TEAD1: variants seen among roughly 807,000 people sequenced by gnomAD.
TEAD1 encodes the protein transcriptional enhancer factor TEF-1.
In TEAD1, 9 loss-of-function variants were observed where a neutral mutation model predicts 54.9. The ratio of observed to expected loss-of-function variants is 0.16; its 90% CI spans 0.10 to 0.29. The LOEUF (loss-of-function observed/expected upper bound fraction) is 0.29, where lower values mean the gene tolerates loss of function less well. TEAD1 is among the 10% of genes least tolerant of loss of function. TEAD1 has a pLI of 1.00. For synonymous variants in TEAD1, 200 were observed against 187.8 expected, an observed-to-expected ratio of 1.07 and a Z score of -0.53; for missense variants, 387 against 535.9, an observed-to-expected ratio of 0.72 and a Z score of 2.74.
intron 3 of TEAD1, among the ~76,000 whole-genome samples, chr11:12,861,122 G>C (rs1217678241): frequency 6.6e-6 from 1 of 152,234 alleles, no homozygotes; most frequent in African/African-American, 2.4e-5. Context: ...AATAATTTCA[G>C]TTCCTGGTAT....
chr11:12,845,064 C>G (rs1947116119), intron 3 of TEAD1, among the ~76,000 whole-genome samples: 1 of 137,408 alleles, frequency 7.3e-6, no homozygotes, highest in African/African-American at 2.7e-5. Flanking sequence ...CTCCTGGATT[C>G]AAGCAATTCT....
chr11:12,745,612 T>A, intron 2 of TEAD1, among the ~76,000 whole-genome samples: 1 of 151,084 alleles, frequency 6.6e-6, no homozygotes, highest in South Asian at 2.1e-4. Flanking sequence ...TTTGGACTGT[T>A]TGCAGTGGAG....
chr11:12,696,290 A>C (rs985370466), intron 2 of TEAD1, among the ~76,000 whole-genome samples: 3 of 152,172 alleles, frequency 2.0e-5, no homozygotes, highest in Non-Finnish European at 4.4e-5. Context: ...TCTTGGATCA[A>C]AGTGGGGCTA....
At position 12,878,785 on chromosome 11, in the gene TEAD1, A is replaced by G. The variant is rs527988121; in HGVS notation, c.331-923A>G. ...ATTATATGTTTGTGTACATATATAC[A>G]TATGTATATATACACATATATATAT... On this transcript the variant is annotated intron_variant, in intron 5 of 12. Transcript: ENST00000527636. 900 of 632,680 alleles carry G rather than the reference A, an allele frequency of 1.4e-3. 2 individuals are homozygous for G. Among genetic ancestry groups the G allele is most frequent in the Non-Finnish European group, 1.9e-3 (818 of 434,762 alleles). The allele number at this position is 632,680 out of a possible 1,614,324, so 39.2% of individuals were successfully genotyped here.
At chr11:12,892,594 A>C (rs982890022) in intron 9 of TEAD1, among the ~76,000 whole-genome samples, 1 of 152,218 alleles carries the variant, frequency 6.6e-6, no homozygotes, top group African/African-American at 2.4e-5. Flanking sequence ...CAGTGAGCTG[A>C]GATCGCGCCA....
chr11:12,916,897 G>A (rs779598013), intron 10 of TEAD1, among the ~76,000 whole-genome samples: 7 of 152,202 alleles, frequency 4.6e-5, no homozygotes, highest in Non-Finnish European at 8.8e-5. Context: ...GAGGAAAGGA[G>A]AGAAAACTGC....
Position 12,938,219 on chromosome 11 carries a change from AAT to A in TEAD1, c.*999_*1000del, listed in dbSNP as rs878935578. The A allele has an allele frequency of 1.3e-5, 2 of 152,630 alleles. No homozygotes were observed. Among genetic ancestry groups the A allele is most frequent in the Non-Finnish European group, 2.9e-5 (2 of 68,040 alleles). 9.5% of individuals were successfully genotyped at this position (152,630 alleles called of 1,614,324 possible). A position where few individuals can be genotyped will look rare whatever the true frequency, so the allele number is the denominator to read the frequency against. On this transcript the variant is annotated 3_prime_UTR_variant, in exon 13 of 13. Transcript: ENST00000527636. ...AATTTTAAAATTGGCATGAATACGGAATACTGCACTGTGAGATGCAAAGTATA... is the reference window on the plus strand; with the variant it reads ...AATTTTAAAATTGGCATGAATACGGAACTGCACTGTGAGATGCAAAGTATA...
intron 3 of TEAD1, among the ~76,000 whole-genome samples, chr11:12,861,552 T>C (rs7123834): frequency 6.6e-6 from 1 of 152,192 alleles, no homozygotes; most frequent in Non-Finnish European, 1.5e-5. Flanking sequence ...GGAAAGTGAA[T>C]ATGAATGTGA....
chr11:12,717,893 A>T (rs1426572418), intron 2 of TEAD1, among the ~76,000 whole-genome samples: 2 of 152,192 alleles, frequency 1.3e-5, no homozygotes, highest in Non-Finnish European at 2.9e-5. Flanking sequence ...ACTGGGTTGT[A>T]CAGTGGGGGT....
chr11:12,779,233 C>G (rs528413446), intron 3 of TEAD1, among the ~76,000 whole-genome samples: 1 of 152,202 alleles, frequency 6.6e-6, no homozygotes, highest in South Asian at 2.1e-4. Flanking sequence ...GATACAGTTA[C>G]CGGGAGCAAT....
intron 11 of TEAD1, among the ~76,000 whole-genome samples, chr11:12,928,437 A>G (rs188955427): frequency 9.3e-4 from 141 of 152,016 alleles, no homozygotes; most frequent in African/African-American, 3.2e-3. Flanking sequence ...CTGTGCCACC[A>G]TGCCTGGCTA....
intron 4 of TEAD1, 93 bp downstream of exon 4, chr11:12,862,407 G>T (rs1372459224): frequency 8.5e-7 from 1 of 1,179,196 alleles, no homozygotes; most frequent in Non-Finnish European, 1.3e-6. Flanking sequence ...GCTCCTAGGA[G>T]CCCCCAATTT....
intron 3 of TEAD1, among the ~76,000 whole-genome samples, chr11:12,824,893 C>G (rs1339317913): frequency 6.6e-6 from 1 of 152,194 alleles, no homozygotes; most frequent in African/African-American, 2.4e-5. Flanking sequence ...CTTCTGTTTC[C>G]TTCTCTCTAC....
intron 5 of TEAD1, among the ~76,000 whole-genome samples, chr11:12,878,492 C>A (rs1030967453): frequency 6.6e-6 from 1 of 152,146 alleles, no homozygotes; most frequent in Non-Finnish European, 1.5e-5. Flanking sequence ...AATATAGACC[C>A]TCTATTGGCA....
chr11:12,714,587 C>G (rs532204136), intron 2 of TEAD1, among the ~76,000 whole-genome samples: 55 of 152,190 alleles, frequency 3.6e-4, no homozygotes, highest in Middle Eastern at 3.2e-3. Flanking sequence ...TAGGCATGGA[C>G]TCATCCCTCT....
At chr11:12,867,481 A>G (rs982677799) in intron 5 of TEAD1, among the ~76,000 whole-genome samples, 4 of 152,232 alleles carry the variant, frequency 2.6e-5, no homozygotes, top group African/African-American at 9.6e-5. Context: ...GGACAGTCGC[A>G]GAGAGTGAGG....
chr11:12,765,291 A>G (rs1162506926), intron 3 of TEAD1, among the ~76,000 whole-genome samples: 1 of 152,024 alleles, frequency 6.6e-6, no homozygotes, highest in Non-Finnish European at 1.5e-5. Flanking sequence ...TTGGCTGCTT[A>G]CCTTTTGGGA....
chr11:12,680,036 G>GTCT (rs1943183404), intron 2 of TEAD1, among the ~76,000 whole-genome samples: 1 of 105,934 alleles, frequency 9.4e-6, no homozygotes, highest in Non-Finnish European at 1.8e-5. Flanking sequence ...AAAAATGGGA[G>GTCT]TCTTCTAAGA....
At chr11:12,903,173 A>C (rs1221703243) in intron 10 of TEAD1, among the ~76,000 whole-genome samples, 1 of 152,148 alleles carries the variant, frequency 6.6e-6, no homozygotes, top group Admixed American at 6.5e-5. Context: ...CCTCAGCTCC[A>C]CCTAGGAAAA....
Sources: allele counts gnomAD v4.1 joint callset (sites outside exome capture counted in the v4.1 genomes callset), GRCh38; gene constraint gnomAD v4.1.1; transcripts MANE v1.5; gene names NCBI Gene and HGNC (gene_info 2026-07-23, HGNC 2026-07-21).